The following ABHD17C variants were observed in gnomAD, a reference collection of about 807,000 sequenced individuals.
ABHD17C encodes the protein abhydrolase domain containing 17C, depalmitoylase.
In ABHD17C, 11 loss-of-function variants were observed where a neutral mutation model predicts 27.9. The ratio of observed to expected loss-of-function variants is 0.39; its 90% CI spans 0.25 to 0.65. ABHD17C has a LOEUF of 0.65. Ranked by LOEUF, ABHD17C falls within the 30% of genes least tolerant of loss-of-function variation. The pLI is 0.45. For missense variants in ABHD17C, 280 were observed against 470.2 expected (o/e 0.60, Z 3.74); for synonymous variants, 233 against 209.1 (o/e 1.11, Z -0.98).
At chr15:80,741,272 T>C (rs1895205492) in intron 1 of ABHD17C, among the ~76,000 whole-genome samples, 1 of 152,032 alleles carries the variant, frequency 6.6e-6, no homozygotes, top group South Asian at 2.1e-4. Context: ...TTTAATGCAT[T>C]AAAAAAAGAT....
chr15:80,741,692 T>C (rs28497894), intron 1 of ABHD17C, among the ~76,000 whole-genome samples: 22,853 of 151,592 alleles, frequency 0.15, 1,888 homozygotes, highest in East Asian at 0.28. Context: ...TTTGTTCTTA[T>C]TGTAGATCTT....
At chr15:80,699,365 T>C (rs1894540503) in intron 1 of ABHD17C, among the ~76,000 whole-genome samples, 1 of 152,132 alleles carries the variant, frequency 6.6e-6, no homozygotes, top group South Asian at 2.1e-4. Flanking sequence ...CTCTTACAAG[T>C]ACTTGGATCT....
intron 1 of ABHD17C, among the ~76,000 whole-genome samples, chr15:80,712,318 C>A (rs560426823): frequency 6.6e-6 from 1 of 152,262 alleles, no homozygotes; most frequent in Non-Finnish European, 1.5e-5. Context: ...GGATGTGGGG[C>A]CTTCATCTCC....
rs1278787864 is a variant in ABHD17C at position 80,695,641 on chromosome 15, C to A, written c.212C>A (p.Pro71Gln). 7.5e-7 allele frequency: 1 copy of A among 1,325,266 alleles called. No individual in the cohort carries two copies. The highest frequency in any genetic ancestry group is 9.6e-7 in the Non-Finnish European group (1 of 1,045,026). 82.1% of individuals were successfully genotyped at this position (1,325,266 alleles called of 1,614,324 possible). The change falls in exon 1 of 3, where the codon CCG (proline) becomes CAG (glutamine). Residue 71 changes from proline (P) to glutamine (Q), a missense_variant. Pro to Gln is a moderately conservative substitution (Grantham distance 76). Around this residue, in one of 2 missense-constraint regions of ABHD17C, gnomAD observed 206 missense variants for 394.7 expected, o/e 0.52. Transcript: ENST00000258884. This position sits in a 1 kb window ranked among gnomAD's most constrained non-coding sequence, Gnocchi z 4.3. ...ACCGCCGCCGCCGCCGCGGCCCAGCCGGCACCGCAGCAGCCCGAGGAGGGC... is the reference window on the plus strand; with the variant it reads ...ACCGCCGCCGCCGCCGCGGCCCAGCAGGCACCGCAGCAGCCCGAGGAGGGC... ...QATAAAAAAQPAPQQPEEGAG... is the reference protein window; with the variant it reads ...QATAAAAAAQQAPQQPEEGAG...
chr15:80,711,235 C>T (rs998618651), intron 1 of ABHD17C, among the ~76,000 whole-genome samples: 10 of 151,820 alleles, frequency 6.6e-5, no homozygotes, highest in Non-Finnish European at 1.3e-4. Flanking sequence ...TAAAAGAACC[C>T]AGTGTTGAGG....
chr15:80,738,790 G>A (rs904809969), intron 1 of ABHD17C, among the ~76,000 whole-genome samples: 1 of 152,138 alleles, frequency 6.6e-6, no homozygotes, highest in African/African-American at 2.4e-5. Flanking sequence ...AAGAAAGGAA[G>A]GGTGGGGAGG....
chr15:80,697,879 A>G (rs1209115993), intron 1 of ABHD17C, among the ~76,000 whole-genome samples: 1 of 152,192 alleles, frequency 6.6e-6, no homozygotes, highest in Admixed American at 6.5e-5. Flanking sequence ...AAGGAACCTT[A>G]TAGATCCTCA....
chr15:80,726,501 GTTTT>G lies in ABHD17C; in HGVS notation c.591-22987_591-22984del, dbSNP rs10572505. Among the ~76,000 whole-genome samples, 191 of 94,498 alleles carry G rather than the reference GTTTT, an allele frequency of 2.0e-3. 6 individuals carry two copies. The highest frequency in any genetic ancestry group is 3.1e-3 in the Non-Finnish European group (169 of 55,100). The allele number at this position is 94,498 out of a possible 152,430, so 62.0% of individuals were successfully genotyped here. A position where few individuals can be genotyped will look rare whatever the true frequency, so the allele number is the denominator to read the frequency against. On this transcript the variant is annotated intron_variant, in intron 1 of 2. Coordinates refer to ENST00000258884, the MANE Select transcript of ABHD17C (RefSeq NM_021214.2). ...CCTTGGTTAATTGCTTCTTTTTCTGGTTTTTTTTTTTTTTTTTTTTTTTTTTTTG... is the reference window on the plus strand; with the variant it reads ...CCTTGGTTAATTGCTTCTTTTTCTGGTTTTTTTTTTTTTTTTTTTTTTTTG...
chr15:80,746,132 T>G (rs1292986697), intron 1 of ABHD17C, among the ~76,000 whole-genome samples: 3 of 152,370 alleles, frequency 2.0e-5, no homozygotes, highest in Admixed American at 2.0e-4. Context: ...TTTGTCAATC[T>G]GATAAATGTG....
intron 2 of ABHD17C, among the ~76,000 whole-genome samples, chr15:80,752,525 G>A (rs900773917): frequency 1.3e-5 from 2 of 152,130 alleles, no homozygotes; most frequent in African/African-American, 4.8e-5. Context: ...TAAAACAGAG[G>A]TGGTCATTCC....
intron 1 of ABHD17C, among the ~76,000 whole-genome samples, chr15:80,698,266 G>C (rs1316061864): frequency 6.6e-6 from 1 of 151,800 alleles, no homozygotes; most frequent in Admixed American, 6.6e-5. Flanking sequence ...GGGTTTCACC[G>C]TGTTAGCCAG....
chr15:80,725,361 C>T lies in ABHD17C; in HGVS notation c.591-24152C>T, dbSNP rs137988971. Reference sequence around the variant, plus strand: ...TGCAGACATGGGATAGGTGAGAATTCCTGCTCTGTGTGATTATCTGCAGGT... The same window carrying T: ...TGCAGACATGGGATAGGTGAGAATTTCTGCTCTGTGTGATTATCTGCAGGT... On this transcript the variant is annotated intron_variant, in intron 1 of 2. Coordinates refer to ENST00000258884, the MANE Select transcript of ABHD17C (RefSeq NM_021214.2). 2.5e-3 allele frequency among the ~76,000 whole-genome samples: 385 copies of T among 152,260 alleles called. 2 individuals carry two copies. Among genetic ancestry groups the T allele is most frequent in the African/African-American group, 8.9e-3 (370 of 41,548 alleles).
At chr15:80,743,743 GC>G (rs1895244693) in intron 1 of ABHD17C, among the ~76,000 whole-genome samples, 1 of 151,994 alleles carries the variant, frequency 6.6e-6, no homozygotes, top group Non-Finnish European at 1.5e-5. Flanking sequence ...ACAGCACCAT[GC>G]CCAACTAATT....
At chr15:80,716,240 CCAGGGAGAAAGGATGTTG>C (rs1181037166) in intron 1 of ABHD17C, among the ~76,000 whole-genome samples, 1 of 152,120 alleles carries the variant, frequency 6.6e-6, no homozygotes, top group African/African-American at 2.4e-5. Context: ...TGTGCGTACT[CCAGGGAGAAAGGATGTTG>C]ATTATAACTA....
At chr15:80,737,875 G>T (rs994168426) in intron 1 of ABHD17C, among the ~76,000 whole-genome samples, 17 of 152,208 alleles carry the variant, frequency 1.1e-4, no homozygotes, top group Admixed American at 7.9e-4. Context: ...GGAATAGTCG[G>T]ATGGGGCTAG....
chr15:80,727,492 C>G (rs1894997750), intron 1 of ABHD17C, among the ~76,000 whole-genome samples: 1 of 152,166 alleles, frequency 6.6e-6, no homozygotes, highest in Non-Finnish European at 1.5e-5. Flanking sequence ...CTTTGGCTAA[C>G]AATCAGTGTC....
intron 1 of ABHD17C, among the ~76,000 whole-genome samples, chr15:80,743,818 A>G (rs1458399748): frequency 1.3e-5 from 2 of 152,036 alleles, no homozygotes; most frequent in South Asian, 4.2e-4. Context: ...AGGAGTTCGC[A>G]CTCCTCGGCC....
chr15:80,739,015 A>G (rs375174933), intron 1 of ABHD17C, among the ~76,000 whole-genome samples: 1 of 152,204 alleles, frequency 6.6e-6, no homozygotes, highest in Non-Finnish European at 1.5e-5. Flanking sequence ...AGGGATGCCA[A>G]CCTGTTGTGT....
At chr15:80,727,724 T>A (rs1895000789) in intron 1 of ABHD17C, among the ~76,000 whole-genome samples, 1 of 151,964 alleles carries the variant, frequency 6.6e-6, no homozygotes, top group Non-Finnish European at 1.5e-5. Context: ...TCGGGTGACA[T>A]GTGTGCTGTT....
Sources: gnomAD v4.1 joint callset for allele counts (sites outside exome capture counted in the v4.1 genomes callset) on GRCh38, gnomAD v4.1.1 for gene constraint, gnomAD v4.1.1 regional missense constraint, Gnocchi (gnomAD v3.1) non-coding constraint, MANE v1.5 for transcripts, NCBI Gene and HGNC (gene_info 2026-07-23, HGNC 2026-07-21) for gene names.